The following SGCZ variants were observed in gnomAD, a reference collection of about 807,000 sequenced individuals.
SGCZ encodes the protein zeta-sarcoglycan.
SGCZ carries 40 observed loss-of-function variants against 41.3 expected under a neutral mutation model. That is an observed-to-expected ratio of 0.97 (90% CI 0.75 to 1.26). The LOEUF (loss-of-function observed/expected upper bound fraction) is 1.26. Ranked by LOEUF, SGCZ falls within the 50% of genes most tolerant of loss-of-function variation. The probability of loss-of-function intolerance (pLI) is 0.00; values close to 1 mark genes in which losing one functional copy is unlikely to be tolerated. For missense variants in SGCZ, 552 were observed against 369.8 expected, an observed-to-expected ratio of 1.49 and a Z score of -4.04; for synonymous variants, 206 against 137.5, an observed-to-expected ratio of 1.50 and a Z score of -3.49.
At chr8:14,140,984 A>G (rs912334822) in intron 5 of SGCZ, among the ~76,000 whole-genome samples, 14 of 152,174 alleles carry the variant, frequency 9.2e-5, no homozygotes, top group African/African-American at 2.7e-4. Context: ...CTATAGACCA[A>G]TGGAACAGGA....
At chr8:14,969,204 T>G (rs1801215906) in intron 1 of SGCZ, among the ~76,000 whole-genome samples, 1 of 152,116 alleles carries the variant, frequency 6.6e-6, no homozygotes, top group Non-Finnish European at 1.5e-5. Flanking sequence ...ACCTACAATT[T>G]TCATCTTCTT....
intron 2 of SGCZ, among the ~76,000 whole-genome samples, chr8:14,503,734 C>T (rs1802224162): frequency 6.6e-6 from 1 of 152,144 alleles, no homozygotes; most frequent in Admixed American, 6.5e-5. Context: ...CACCACTGCA[C>T]TCCAGCCTGG....
chr8:14,717,171 A>T (rs575311820), intron 1 of SGCZ, among the ~76,000 whole-genome samples: 1 of 152,000 alleles, frequency 6.6e-6, no homozygotes, highest in African/African-American at 2.4e-5. Flanking sequence ...ATTTAGAAAA[A>T]TTTTTCTAGA....
intron 1 of SGCZ, among the ~76,000 whole-genome samples, chr8:14,976,610 A>G (rs1801487557): frequency 6.6e-6 from 1 of 152,204 alleles, no homozygotes; most frequent in African/African-American, 2.4e-5. Context: ...GGTCAAACAC[A>G]GTTTCACTTG....
intron 2 of SGCZ, among the ~76,000 whole-genome samples, chr8:14,373,002 C>G (rs1173048153): frequency 6.6e-6 from 1 of 152,170 alleles, no homozygotes; most frequent in African/African-American, 2.4e-5. Flanking sequence ...GTCACTGCTA[C>G]TGACCCAAGT....
chr8:14,942,454 C>T (rs756448720), intron 1 of SGCZ, among the ~76,000 whole-genome samples: 1 of 151,944 alleles, frequency 6.6e-6, no homozygotes, highest in Non-Finnish European at 1.5e-5. Flanking sequence ...AATTGTAATC[C>T]ACAAGTTTCC....
At chr8:14,234,369 G>A (rs546142103) in intron 4 of SGCZ, among the ~76,000 whole-genome samples, 2 of 151,946 alleles carry the variant, frequency 1.3e-5, no homozygotes, top group African/African-American at 4.8e-5. Flanking sequence ...GAAAAAGGTG[G>A]GGTACAAGAG....
At chr8:14,403,287 C>G (rs1799127327) in intron 2 of SGCZ, among the ~76,000 whole-genome samples, 1 of 150,306 alleles carries the variant, frequency 6.7e-6, no homozygotes, top group South Asian at 2.1e-4. Flanking sequence ...TTATTTCCTT[C>G]TCCTGCCTCA....
At chr8:14,768,963 T>G (rs1268401716) in intron 1 of SGCZ, among the ~76,000 whole-genome samples, 1 of 152,110 alleles carries the variant, frequency 6.6e-6, no homozygotes, top group Non-Finnish European at 1.5e-5. Context: ...TGATCATTAT[T>G]GTATTCATAT....
At chr8:14,799,655 G>A (rs559939916) in intron 1 of SGCZ, among the ~76,000 whole-genome samples, 1 of 152,006 alleles carries the variant, frequency 6.6e-6, no homozygotes, top group Admixed American at 6.5e-5. Context: ...ACTAGGCAGA[G>A]GAAGGAGGGA....
At chr8:14,310,654 G>C (rs981351004) in intron 3 of SGCZ, among the ~76,000 whole-genome samples, 2 of 152,092 alleles carry the variant, frequency 1.3e-5, no homozygotes, top group Admixed American at 6.6e-5. Flanking sequence ...ATACAAAACT[G>C]TAAATAAAAT....
At chr8:14,265,297 C>T (rs576120416) in intron 3 of SGCZ, among the ~76,000 whole-genome samples, 8 of 152,234 alleles carry the variant, frequency 5.3e-5, no homozygotes, top group African/African-American at 1.2e-4. Flanking sequence ...ATTTTTATAT[C>T]GCTCTAGTAT....
chr8:14,201,919 T>C (rs1403485942), intron 4 of SGCZ, among the ~76,000 whole-genome samples: 1 of 152,180 alleles, frequency 6.6e-6, no homozygotes, highest in African/African-American at 2.4e-5. Flanking sequence ...GTACTATCTT[T>C]GTAACTTTTT....
At chr8:14,868,963 A>G (rs1440696165) in intron 1 of SGCZ, among the ~76,000 whole-genome samples, 1 of 152,104 alleles carries the variant, frequency 6.6e-6, no homozygotes, top group Non-Finnish European at 1.5e-5. Context: ...TACCAACCAA[A>G]AAAAGCCCAG....
At chr8:14,468,726 A>G (rs1801124639) in intron 2 of SGCZ, among the ~76,000 whole-genome samples, 1 of 152,094 alleles carries the variant, frequency 6.6e-6, no homozygotes. Flanking sequence ...GAAAAACATA[A>G]AAATCAGTTT....
At chr8:14,341,423 C>T (rs1641232013) in intron 2 of SGCZ, among the ~76,000 whole-genome samples, 1 of 152,152 alleles carries the variant, frequency 6.6e-6, no homozygotes, top group African/African-American at 2.4e-5. Flanking sequence ...TCCACATCAT[C>T]ACTAACACTT....
At chr8:14,437,741 A>T (rs933559363) in intron 2 of SGCZ, among the ~76,000 whole-genome samples, 2 of 151,766 alleles carry the variant, frequency 1.3e-5, no homozygotes, top group African/African-American at 2.4e-5. Context: ...ATTGTATTAA[A>T]ATTTTTATTG....
At chr8:14,314,843 T>C (rs967338130) in intron 3 of SGCZ, among the ~76,000 whole-genome samples, 2 of 152,138 alleles carry the variant, frequency 1.3e-5, no homozygotes, top group African/African-American at 4.8e-5. Context: ...ATGCTACCGT[T>C]TCTATGTTCA....
chr8:15,009,645 C>A (rs973985760), intron 1 of SGCZ, among the ~76,000 whole-genome samples: 5 of 152,014 alleles, frequency 3.3e-5, no homozygotes, highest in African/African-American at 1.2e-4. Context: ...TCAATGATAT[C>A]GAGAATAAGT....
Sources: allele counts gnomAD v4.1 joint callset (sites outside exome capture counted in the v4.1 genomes callset), GRCh38; gene constraint gnomAD v4.1.1; transcripts MANE v1.5; gene names NCBI Gene and HGNC (gene_info 2026-07-23, HGNC 2026-07-21).